SCRG1: variants seen among roughly 807,000 people sequenced by gnomAD.
SCRG1 encodes stimulator of chondrogenesis 1.
A neutral mutation model predicts 7.7 loss-of-function variants in SCRG1; 3 were observed. The observed-to-expected ratio is 0.39, with a 90% CI of 0.18 to 1.01. SCRG1 has a LOEUF of 1.01. Among genes scored for constraint, SCRG1 ranks in the 50% least tolerant of loss-of-function variants. The pLI, the probability that SCRG1 is intolerant of heterozygous loss-of-function variation, is 0.36. For synonymous variants in SCRG1, 46 were observed against 41.2 expected, an observed-to-expected ratio of 1.12 and a Z score of -0.44; for missense variants, 110 against 117.2, an observed-to-expected ratio of 0.94 and a Z score of 0.28.
upstream of SCRG1, among the ~76,000 whole-genome samples, chr4:173,400,721 G>A (rs184274390): frequency 6.6e-6 from 1 of 152,120 alleles, no homozygotes; most frequent in Non-Finnish European, 1.5e-5. Context: ...ACTATTATTA[G>A]TCCCATTTTA....
the SCRG1 span, among the ~76,000 whole-genome samples, chr4:173,466,575 C>T: frequency 1.3e-5 from 2 of 152,066 alleles, no homozygotes; most frequent in Non-Finnish European, 2.9e-5. Flanking sequence ...TACAAGATAA[C>T]CACTTAGGGA....
chr4:173,394,480 T>C (rs982885302), intron 1 of SCRG1, among the ~76,000 whole-genome samples: 18 of 152,018 alleles, frequency 1.2e-4, no homozygotes, highest in Admixed American at 2.0e-4. Context: ...CTGTCTCTAC[T>C]AAAAATACAA....
At chr4:173,506,086 A>G in the SCRG1 span, among the ~76,000 whole-genome samples, 3 of 152,144 alleles carry the variant, frequency 2.0e-5, no homozygotes, top group Non-Finnish European at 2.9e-5. The surrounding 1 kb of genome is among the most constrained non-coding windows in gnomAD (Gnocchi z 5.3). Flanking sequence ...AAGCCCAGCG[A>G]ATTTCAGTTT....
rs373740149 is a variant in SCRG1, at chr4:173,385,369, T to C, written c.*2972A>G. ...CCTGTAGTCCCAGCTACTCAGGAGG[T>C]TGAAGCACAAGTATCACTTGAACCT... On this transcript the variant is annotated 3_prime_UTR_variant, in exon 3 of 3. Coordinates refer to ENST00000296506, the MANE Select transcript of SCRG1 (RefSeq NM_007281.4). 3.3e-5 allele frequency: 5 copies of C among 151,622 alleles called. No homozygotes were observed. Among genetic ancestry groups the C allele is most frequent in the African/African-American group, 1.2e-4 (5 of 41,278 alleles). The allele number at this position is 151,622 out of a possible 1,614,324, so 9.4% of individuals were successfully genotyped here.
chr4:173,401,810 C>A (rs1468977213), upstream of SCRG1, among the ~76,000 whole-genome samples: 1 of 152,176 alleles, frequency 6.6e-6, no homozygotes, highest in Non-Finnish European at 1.5e-5. Context: ...TTATTACTAG[C>A]TGGACTTCCT....
the SCRG1 span, among the ~76,000 whole-genome samples, chr4:173,427,171 C>T: frequency 1.6e-3 from 251 of 152,266 alleles, 2 homozygotes; most frequent in Non-Finnish European, 3.1e-3. Context: ...ATTTGCACCC[C>T]AGAGCTGGGC....
At chr4:173,419,300 A>T in the SCRG1 span, 1 of 677,774 alleles carries the variant, frequency 1.5e-6, no homozygotes, top group East Asian at 2.8e-5. Context: ...CTCTTGAGCT[A>T]CCCAATCTTT....
intron 1 of SCRG1, among the ~76,000 whole-genome samples, chr4:173,396,524 C>T (rs1299101470): frequency 6.6e-6 from 1 of 152,118 alleles, no homozygotes; most frequent in African/African-American, 2.4e-5. Context: ...GCTGAGCTCA[C>T]AGTAAGTGTT....
At chr4:173,476,363 A>AAAAAAAATATATATATATATATATAT in the SCRG1 span, among the ~76,000 whole-genome samples, 365 of 98,326 alleles carry the variant, frequency 3.7e-3, 5 homozygotes, top group Non-Finnish European at 6.5e-3. Flanking sequence ...GGAAAAAAAA[A>AAAAAAAATATATATATATATATATAT]ATATATATAT....
intron 1 of SCRG1, among the ~76,000 whole-genome samples, chr4:173,398,731 T>C (rs1430996636): frequency 6.6e-6 from 1 of 152,256 alleles, no homozygotes; most frequent in Non-Finnish European, 1.5e-5. Flanking sequence ...CCTCACATAG[T>C]TCTGAGGACT....
chr4:173,467,644 A>G, the SCRG1 span, among the ~76,000 whole-genome samples: 1 of 152,198 alleles, frequency 6.6e-6, no homozygotes, highest in Non-Finnish European at 1.5e-5. Flanking sequence ...ATATTAGCAT[A>G]GGACACTCTT....
At chr4:173,469,590 T>C in the SCRG1 span, 1 of 152,138 alleles carries the variant, frequency 6.6e-6, no homozygotes, top group African/African-American at 2.4e-5. Flanking sequence ...TTTTGGGAAT[T>C]AGATATTTTT....
At chr4:173,484,090 A>G in the SCRG1 span, among the ~76,000 whole-genome samples, 1 of 81,632 alleles carries the variant, frequency 1.2e-5, no homozygotes, top group African/African-American at 5.3e-5. Flanking sequence ...AATATATAAT[A>G]TACCATATAT....
chr4:173,475,501 G>A, the SCRG1 span, among the ~76,000 whole-genome samples: 1 of 152,222 alleles, frequency 6.6e-6, no homozygotes, highest in Admixed American at 6.5e-5. Context: ...TGGTGGGAAT[G>A]TAAATGGTGC....
the SCRG1 span, among the ~76,000 whole-genome samples, chr4:173,463,368 G>A: frequency 1.3e-5 from 2 of 152,074 alleles, no homozygotes; most frequent in Admixed American, 6.6e-5. Context: ...CTGCCCCCCC[G>A]GGTTTAAGTG....
At chr4:173,408,991 C>CAAAAAAAAAAAAAAAAAAAAA (rs991902394), upstream of SCRG1, among the ~76,000 whole-genome samples, 4 of 51,264 alleles carry the variant, frequency 7.8e-5, no homozygotes, top group Non-Finnish European at 1.3e-4. Flanking sequence ...GACTCAGTCT[C>CAAAAAAAAAAAAAAAAAAAAA]AAAAAAAAAA....
the SCRG1 span, among the ~76,000 whole-genome samples, chr4:173,415,943 T>C: frequency 6.6e-6 from 1 of 152,132 alleles, no homozygotes; most frequent in Non-Finnish European, 1.5e-5. Flanking sequence ...AAAACATATT[T>C]TGAAAAAAAG....
the SCRG1 span, among the ~76,000 whole-genome samples, chr4:173,445,939 C>T: frequency 1.3e-5 from 2 of 152,176 alleles, no homozygotes; most frequent in African/African-American, 2.4e-5. Flanking sequence ...GCTGGGATTA[C>T]AGGCATGAGC....
chr4:173,392,986 G>T (rs1173039617), intron 1 of SCRG1, among the ~76,000 whole-genome samples: 2 of 152,124 alleles, frequency 1.3e-5, no homozygotes, highest in African/African-American at 4.8e-5. Context: ...AGCTACTTGG[G>T]AGGCTGAGGC....
Sources: allele counts gnomAD v4.1 joint callset (sites outside exome capture counted in the v4.1 genomes callset), GRCh38; gene constraint gnomAD v4.1.1; non-coding constraint Gnocchi (gnomAD v3.1); transcripts MANE v1.5; gene names NCBI Gene and HGNC (gene_info 2026-07-23, HGNC 2026-07-21).